Variants in COL24A1 observed in about 807,000 individuals in gnomAD.
COL24A1 encodes the protein collagen alpha-1(XXIV) chain.
A neutral mutation model predicts 253.9 loss-of-function variants in COL24A1; 224 were observed. That is an observed-to-expected ratio of 0.88 (90% CI 0.79 to 0.99). COL24A1 has a LOEUF of 0.99. COL24A1 is among the 50% of genes least tolerant of loss of function. The pLI, the probability that COL24A1 is intolerant of heterozygous loss-of-function variation, is 0.00. For missense variants in COL24A1, 2,131 were observed against 2,068.5 expected, an observed-to-expected ratio of 1.03 and a Z score of -0.59; for synonymous variants, 685 against 673.7, an observed-to-expected ratio of 1.02 and a Z score of -0.26.
chr1:85,839,448 G>A (rs1056689576), intron 42 of COL24A1, among the ~76,000 whole-genome samples: 1 of 151,968 alleles, frequency 6.6e-6, no homozygotes, highest in Non-Finnish European at 1.5e-5. Flanking sequence ...TGTTGGCTGG[G>A]TGTGGTAGCT....
chr1:86,136,274 C>T (rs1247089178), intron 2 of COL24A1, among the ~76,000 whole-genome samples: 1 of 152,076 alleles, frequency 6.6e-6, no homozygotes, highest in Non-Finnish European at 1.5e-5. Flanking sequence ...GACCCTGTAG[C>T]ACTTGTGTAC....
intron 43 of COL24A1, among the ~76,000 whole-genome samples, chr1:85,826,981 A>G (rs1674443824): frequency 1.3e-5 from 2 of 151,854 alleles, no homozygotes; most frequent in Non-Finnish European, 2.9e-5. Context: ...GAGTGGTGAG[A>G]GAGGGCATCC....
chr1:86,013,441 T>C (rs1696717190), intron 19 of COL24A1, among the ~76,000 whole-genome samples: 1 of 152,234 alleles, frequency 6.6e-6, no homozygotes, highest in Non-Finnish European at 1.5e-5. Flanking sequence ...GTCATCCTTT[T>C]GGCAGTGGGA....
At chr1:85,737,889 T>C (rs1664224666) in intron 57 of COL24A1, among the ~76,000 whole-genome samples, 1 of 152,192 alleles carries the variant, frequency 6.6e-6, no homozygotes, top group Non-Finnish European at 1.5e-5. Flanking sequence ...GTCATGGTAC[T>C]TTAAATACAT....
chr1:86,002,704 C>G (rs1695548944), intron 19 of COL24A1, among the ~76,000 whole-genome samples: 1 of 152,108 alleles, frequency 6.6e-6, no homozygotes, highest in South Asian at 2.1e-4. Flanking sequence ...CACATGCACT[C>G]AAGATGGTAG....
At chr1:86,136,283 A>G (rs1650233360) in intron 2 of COL24A1, among the ~76,000 whole-genome samples, 1 of 152,038 alleles carries the variant, frequency 6.6e-6, no homozygotes, top group Non-Finnish European at 1.5e-5. Flanking sequence ...GCACTTGTGT[A>G]CAAGGGCTAA....
Position 85,971,339 on chromosome 1 carries a change from C to T in COL24A1, c.2418+1G>A. On this transcript the variant is annotated splice_donor_variant, in intron 21 of 59. Transcript: ENST00000370571. LOFTEE classifies it high-confidence loss of function. ...CTGACTGGATATCACTTCTTCCATA[C>T]CTGAGTTCCTTTGAGACCAGGAGGT... 6.2e-7 allele frequency: 1 copy of T among 1,612,044 alleles called. No individual in the cohort carries two copies. Among genetic ancestry groups the T allele is most frequent in the East Asian group, 2.2e-5 (1 of 44,828 alleles).
At chr1:86,132,679 T>C (rs909035295) in intron 2 of COL24A1, among the ~76,000 whole-genome samples, 3 of 152,212 alleles carry the variant, frequency 2.0e-5, no homozygotes, top group Non-Finnish European at 4.4e-5. Context: ...CAGTTGTAGA[T>C]ATGTGGCATT....
At chr1:85,761,215 A>C (rs1666813792) in intron 55 of COL24A1, among the ~76,000 whole-genome samples, 181 bp downstream of exon 55, 1 of 152,228 alleles carries the variant, frequency 6.6e-6, no homozygotes, top group Non-Finnish European at 1.5e-5. Flanking sequence ...TTTATAAATA[A>C]GAAGTCTGAG....
rs139304360 is a variant in COL24A1, at chr1:85,862,145, T to C, written c.3300+6374A>G. On this transcript the variant is annotated intron_variant, in intron 37 of 59. Coordinates refer to ENST00000370571, the MANE Select transcript of COL24A1 (RefSeq NM_152890.7). Reference sequence around the variant, plus strand: ...TTCATTAGTATGTTTATTTCCATTATTGCATTATCACAATCTGCAGTGATC... The same window carrying C: ...TTCATTAGTATGTTTATTTCCATTACTGCATTATCACAATCTGCAGTGATC... Among the ~76,000 whole-genome samples the C allele has an allele frequency of 2.7e-3, 409 of 152,340 alleles. 1 individual carries two copies. The highest frequency in any genetic ancestry group is 8.2e-3 in the African/African-American group (343 of 41,586).
At chr1:85,813,455 C>CT (rs138621527) in intron 47 of COL24A1, among the ~76,000 whole-genome samples, 7,339 of 143,880 alleles carry the variant, frequency 0.051, 585 homozygotes, top group African/African-American at 0.17. Context: ...GCTGAAAGAC[C>CT]TTTTTTTTTG....
At chr1:85,920,824 A>G (rs1686379013) in intron 24 of COL24A1, among the ~76,000 whole-genome samples, 1 of 152,182 alleles carries the variant, frequency 6.6e-6, no homozygotes. Flanking sequence ...GTGTCTCCAT[A>G]GAACAATCAA....
rs574373611 is a variant in COL24A1, at chr1:85,990,346, C to T, written c.2311-2692G>A. Among the ~76,000 whole-genome samples the T allele has an allele frequency of 2.1e-4, 32 of 152,302 alleles. No individual in the cohort carries two copies. In the South Asian group the frequency reaches 2.9e-3, roughly 14 times the overall value. ...GGAAGACAATTTTTCCATAAGATTG[C>T]GGCATGGAGGATAGTTTCGGGATGA... is the stretch of plus-strand genomic sequence containing the variant. On this transcript the variant is annotated intron_variant, in intron 19 of 59. Coordinates refer to ENST00000370571, the MANE Select transcript of COL24A1 (RefSeq NM_152890.7).
intron 37 of COL24A1, among the ~76,000 whole-genome samples, chr1:85,850,619 T>C (rs1393558645): frequency 6.6e-6 from 1 of 152,166 alleles, no homozygotes; most frequent in East Asian, 1.9e-4. Context: ...TTCATAGAGA[T>C]TAAAGGTGTG....
intron 19 of COL24A1, among the ~76,000 whole-genome samples, chr1:85,999,459 T>TA (rs1417333275): frequency 6.6e-6 from 1 of 151,486 alleles, no homozygotes; most frequent in Non-Finnish European, 1.5e-5. Context: ...TCTACAAAAA[T>TA]AAAAAATAAA....
intron 8 of COL24A1, among the ~76,000 whole-genome samples, chr1:86,059,454 A>G (rs1700913979): frequency 6.6e-6 from 1 of 152,130 alleles, no homozygotes; most frequent in Non-Finnish European, 1.5e-5. Flanking sequence ...TTCTAGAGGA[A>G]GAGCTGGTAT....
chr1:85,854,286 T>G (rs1318395272), intron 37 of COL24A1, among the ~76,000 whole-genome samples: 1 of 152,192 alleles, frequency 6.6e-6, no homozygotes, highest in Non-Finnish European at 1.5e-5. Flanking sequence ...TTGTGTGGCT[T>G]TATTTCTCGG....
chr1:86,061,852 C>T lies in COL24A1; in HGVS notation c.1752+1863G>A, dbSNP rs1392673463. 2.6e-5 allele frequency among the ~76,000 whole-genome samples: 4 copies of T among 151,996 alleles called. No homozygotes were observed. In the East Asian group the frequency reaches 7.7e-4, roughly 29 times the overall value. ...AGTAATAGAGATACAGTTATATCAA[C>T]AGCCCCTTGAGAAAACAGGAACAGA... On this transcript the variant is annotated intron_variant, in intron 8 of 59. Transcript: ENST00000370571.
intron 10 of COL24A1, among the ~76,000 whole-genome samples, chr1:86,051,079 A>T (rs533668002): frequency 1.3e-5 from 2 of 152,286 alleles, no homozygotes; most frequent in Non-Finnish European, 2.9e-5. Context: ...AGGATACAGC[A>T]TACAGCCATG....
Sources: gnomAD v4.1 joint callset for allele counts (sites outside exome capture counted in the v4.1 genomes callset) on GRCh38, gnomAD v4.1.1 for gene constraint, MANE v1.5 for transcripts, NCBI Gene and HGNC (gene_info 2026-07-23, HGNC 2026-07-21) for gene names.